The following AMPH variants were observed in gnomAD, a reference collection of about 807,000 sequenced individuals.
AMPH encodes the protein amphiphysin (Stiff-Mann syndrome with breast cancer 128kD autoantigen).
AMPH carries 49 observed loss-of-function variants against 99.1 expected under a neutral mutation model. The ratio of observed to expected loss-of-function variants is 0.49; its 90% confidence interval spans 0.39 to 0.63. The LOEUF is 0.63. Ranked by LOEUF, AMPH falls within the 20% of genes least tolerant of loss-of-function variation. The probability of loss-of-function intolerance (pLI) is 0.00; values close to 1 mark genes in which losing one functional copy is unlikely to be tolerated. For missense variants in AMPH, 759 were observed against 863.4 expected (o/e 0.88, Z 1.52); for synonymous variants, 314 against 317.3 (o/e 0.99, Z 0.11).
intron 1 of AMPH, among the ~76,000 whole-genome samples, chr7:38,613,107 C>T (rs1034346462): frequency 6.6e-6 from 1 of 152,138 alleles, no homozygotes; most frequent in Non-Finnish European, 1.5e-5. Context: ...TTCAGAGAGA[C>T]TTGACCAAGA....
At chr7:38,424,392 C>A (rs955617962) in intron 15 of AMPH, among the ~76,000 whole-genome samples, 1 of 152,044 alleles carries the variant, frequency 6.6e-6, no homozygotes, top group Non-Finnish European at 1.5e-5. Context: ...ATTATTAATA[C>A]CTTCAGAGAT....
intron 11 of AMPH, among the ~76,000 whole-genome samples, chr7:38,445,045 TATATAGATGGTATATACATATATATATAC>T (rs1786714845): frequency 7.0e-6 from 1 of 143,838 alleles, no homozygotes; most frequent in East Asian, 2.5e-4. Context: ...TATATATACA[TATATAGATGGTATATACATATATATATAC>T]ACATATATAC....
intron 17 of AMPH, among the ~76,000 whole-genome samples, chr7:38,398,598 AAAG>A (rs1329791411): frequency 6.6e-6 from 1 of 152,230 alleles, no homozygotes; most frequent in Non-Finnish European, 1.5e-5. Flanking sequence ...CAATAATTAG[AAAG>A]AATAAATAAG....
chr7:38,547,842 A>G (rs186188262), intron 1 of AMPH, among the ~76,000 whole-genome samples: 7 of 152,268 alleles, frequency 4.6e-5, no homozygotes, highest in Admixed American at 2.6e-4. Context: ...CATTCTTTTG[A>G]GTTTCTGATT....
chr7:38,428,444 T>A (rs1785867198), intron 14 of AMPH: 1 of 456,642 alleles, frequency 2.2e-6, no homozygotes, highest in Non-Finnish European at 4.4e-6. Context: ...TAGACTGAGC[T>A]TCTACTTCAA....
intron 1 of AMPH, among the ~76,000 whole-genome samples, chr7:38,549,298 A>C (rs1353494921): frequency 6.6e-6 from 1 of 152,234 alleles, no homozygotes; most frequent in South Asian, 2.1e-4. Flanking sequence ...TTGAGAATGC[A>C]AGGCAATCAC....
intron 11 of AMPH, among the ~76,000 whole-genome samples, chr7:38,445,043 C>CAT (rs1400715965): frequency 2.1e-5 from 3 of 141,880 alleles, no homozygotes; most frequent in Non-Finnish European, 4.5e-5. Context: ...CATATATATA[C>CAT]ATATATAGAT....
chr7:38,426,995 A>G lies in AMPH; in HGVS notation c.1183-9T>C. On this transcript the variant is annotated splice_polypyrimidine_tract_variant and intron_variant, in intron 14 of 20. Transcript: ENST00000356264. The stretch of plus-strand genomic sequence containing the variant: ...AATGAACCACCAGAAGCCTAAACAG[A>G]AACGAAAATCAGATTGTGTTATTAT... 6.2e-7 allele frequency: 1 copy of G among 1,611,744 alleles called. No individual in the cohort carries two copies. The highest frequency in any genetic ancestry group is 1.1e-5 in the South Asian group (1 of 90,920).
At chr7:38,515,527 T>C (rs995159350) in intron 2 of AMPH, among the ~76,000 whole-genome samples, 2 of 152,238 alleles carry the variant, frequency 1.3e-5, no homozygotes, top group Non-Finnish European at 1.5e-5. Flanking sequence ...CTGTACAGAC[T>C]GTGGAACTGT....
intron 1 of AMPH, among the ~76,000 whole-genome samples, chr7:38,580,911 C>G (rs1436100402): frequency 6.6e-6 from 1 of 152,060 alleles, no homozygotes; most frequent in Non-Finnish European, 1.5e-5. Context: ...TTCAATTATA[C>G]CTTATTTTGC....
intron 3 of AMPH, 135 bp downstream of exon 3, chr7:38,503,515 T>C: frequency 1.7e-6 from 1 of 590,654 alleles, no homozygotes; most frequent in Non-Finnish European, 2.9e-6. Flanking sequence ...GGTGGTGGAA[T>C]GGAACACCTG....
chr7:38,605,828 C>T (rs1793416850), intron 1 of AMPH, among the ~76,000 whole-genome samples: 1 of 152,056 alleles, frequency 6.6e-6, no homozygotes, highest in South Asian at 2.1e-4. Context: ...GTGATTCACC[C>T]GCCTCCCAAA....
intron 1 of AMPH, among the ~76,000 whole-genome samples, chr7:38,594,616 A>G (rs962602226): frequency 1.3e-5 from 2 of 152,270 alleles, no homozygotes; most frequent in Non-Finnish European, 2.9e-5. Context: ...TTCCACTCCA[A>G]TGGTTTGCTT....
chr7:38,501,160 G>A (rs1329074726), intron 3 of AMPH, among the ~76,000 whole-genome samples: 1 of 152,112 alleles, frequency 6.6e-6, no homozygotes, highest in Non-Finnish European at 1.5e-5. Context: ...AACCTTGGAT[G>A]AGCTATTTAA....
intron 3 of AMPH, 39 bp from the exon 4 acceptor site, chr7:38,494,566 G>C (rs1455443995): frequency 6.4e-7 from 1 of 1,554,968 alleles, no homozygotes; most frequent in African/African-American, 1.4e-5. Flanking sequence ...ACACAGAAAT[G>C]AGTGAGGATT....
intron 11 of AMPH, among the ~76,000 whole-genome samples, chr7:38,460,509 C>A (rs965146436): frequency 1.8e-4 from 28 of 152,086 alleles, no homozygotes; most frequent in African/African-American, 5.3e-4. Context: ...GACACACACA[C>A]ACTACTGAAT....
At chr7:38,481,847 C>T (rs889479184) in intron 5 of AMPH, among the ~76,000 whole-genome samples, 2 of 152,022 alleles carry the variant, frequency 1.3e-5, no homozygotes, top group African/African-American at 4.8e-5. Flanking sequence ...AATACTCCAC[C>T]GAGTATTCTA....
At chr7:38,492,963 T>C (rs1207303406) in intron 4 of AMPH, among the ~76,000 whole-genome samples, 2 of 152,216 alleles carry the variant, frequency 1.3e-5, no homozygotes, top group African/African-American at 4.8e-5. Context: ...GAAGATGCAA[T>C]TACTTAATAA....
At chr7:38,527,486 ATTTC>A (rs1238970058) in intron 2 of AMPH, among the ~76,000 whole-genome samples, 1 of 152,104 alleles carries the variant, frequency 6.6e-6, no homozygotes, top group Non-Finnish European at 1.5e-5. Flanking sequence ...ACACATATAT[ATTTC>A]TTTTTCTTTG....
Sources: gnomAD v4.1 joint callset for allele counts (sites outside exome capture counted in the v4.1 genomes callset) on GRCh38, gnomAD v4.1.1 for gene constraint, MANE v1.5 for transcripts, NCBI Gene and HGNC (gene_info 2026-07-23, HGNC 2026-07-21) for gene names.